The following FBXO11 variants were observed in gnomAD, a reference collection of about 807,000 sequenced individuals.
FBXO11 encodes F-box protein 11.
In FBXO11, 13 loss-of-function variants were observed where a neutral mutation model predicts 117.0. That is an observed-to-expected ratio of 0.11 (90% CI 0.07 to 0.18). FBXO11 has a LOEUF of 0.18. Among genes scored for constraint, FBXO11 ranks in the 10% least tolerant of loss-of-function variants. FBXO11 has a pLI of 1.00. For missense variants in FBXO11, 767 were observed against 1,164.4 expected (o/e 0.66, Z 4.97); for synonymous variants, 490 against 380.5 (o/e 1.29, Z -3.35).
intron 21 of FBXO11, chr2:47,808,665 C>CT: frequency 2.5e-6 from 1 of 403,550 alleles, no homozygotes; most frequent in Non-Finnish European, 4.4e-6. Context: ...GTTCTTTCCA[C>CT]TTTAAAAGCC....
intron 1 of FBXO11, among the ~76,000 whole-genome samples, chr2:47,856,155 AG>A (rs1323308947): frequency 6.6e-6 from 1 of 152,224 alleles, no homozygotes; most frequent in African/African-American, 2.4e-5. Context: ...CTTTTAACTC[AG>A]AAAATGCAAG....
intron 1 of FBXO11, among the ~76,000 whole-genome samples, chr2:47,864,083 C>T (rs1482639713): frequency 1.3e-5 from 2 of 152,092 alleles, no homozygotes; most frequent in Non-Finnish European, 2.9e-5. Context: ...CATTAAAAAG[C>T]TGGTAATTTG....
chr2:47,816,647 C>CCA (rs138910788), intron 16 of FBXO11, among the ~76,000 whole-genome samples: 22,823 of 152,198 alleles, frequency 0.15, 1,832 homozygotes, highest in Non-Finnish European at 0.18. Context: ...ACTCCTTGAT[C>CCA]CAGACTGTGG....
Position 47,808,183 on chromosome 2 carries a change from G to C in FBXO11, c.2719C>G (p.His907Asp). 1 of 1,613,510 alleles carries C rather than the reference G, an allele frequency of 6.2e-7. No homozygotes were observed. Among genetic ancestry groups the C allele is most frequent in the Non-Finnish European group, 8.5e-7 (1 of 1,179,850 alleles). The change falls in exon 23 of 23, where the codon CAT becomes GAT. Residue 907 changes from histidine (H) to aspartate (D), a missense_variant. Around this residue, in one of 10 missense-constraint regions of FBXO11, gnomAD observed 47 missense variants for 117.3 expected, o/e 0.40. Transcript: ENST00000403359. ...GAGTCATATAGTGTATCTGTATCAT[G>C]TGTAGGCTCACCAGCTAATGTACAA... ...NPCTLAGEPT[H>D]DTDTLYDSAP...
Position 47,807,741 on chromosome 2 carries a change from C to A in FBXO11, c.*377G>T. The A allele has an allele frequency of 4.1e-6, 1 of 241,986 alleles. No homozygotes were observed. The highest frequency in any genetic ancestry group is 8.1e-6 in the Non-Finnish European group (1 of 122,810). The allele number at this position is 241,986 out of a possible 1,614,324, so 15.0% of individuals were successfully genotyped here. ...CCATATTACAAAAGCAATTGGTACCCATGTCCATAAAGGCAGCAACAAAGC... is the reference window on the plus strand; with the variant it reads ...CCATATTACAAAAGCAATTGGTACCAATGTCCATAAAGGCAGCAACAAAGC... On this transcript the variant is annotated 3_prime_UTR_variant, in exon 23 of 23. Transcript: ENST00000403359.
chr2:47,838,079 A>C (rs1194714033), intron 4 of FBXO11, among the ~76,000 whole-genome samples: 3 of 151,424 alleles, frequency 2.0e-5, no homozygotes, highest in Admixed American at 2.0e-4. Context: ...AAAAAAAAAA[A>C]AAAATTAGCT....
At chr2:47,874,733 C>G (rs540881563) in intron 1 of FBXO11, among the ~76,000 whole-genome samples, 1 of 152,202 alleles carries the variant, frequency 6.6e-6, no homozygotes, top group South Asian at 2.1e-4. Context: ...TGGGATTTCA[C>G]CATGTTGGCC....
chr2:47,891,831 T>G (rs1054744417), intron 1 of FBXO11, among the ~76,000 whole-genome samples: 2 of 152,294 alleles, frequency 1.3e-5, no homozygotes. Flanking sequence ...TGAAAAGATA[T>G]CTCATTGTGG....
chr2:47,831,373 C>A (rs1037213022), intron 11 of FBXO11, among the ~76,000 whole-genome samples: 1 of 148,266 alleles, frequency 6.7e-6, no homozygotes, highest in Admixed American at 6.8e-5. Context: ...CAAGATCACA[C>A]CATTGCCATT....
At chr2:47,894,360 A>G (rs1677494307) in intron 1 of FBXO11, among the ~76,000 whole-genome samples, 2 of 152,208 alleles carry the variant, frequency 1.3e-5, no homozygotes, top group Non-Finnish European at 1.5e-5. Context: ...AAAACTAGAA[A>G]TGAAATAACT....
At chr2:47,901,086 C>CAT (rs565507314) in intron 1 of FBXO11, among the ~76,000 whole-genome samples, 16 of 104,784 alleles carry the variant, frequency 1.5e-4, no homozygotes, top group Admixed American at 7.2e-4. Flanking sequence ...CACGTGTGTA[C>CAT]ATATATATAC....
At position 47,842,026 on chromosome 2, in the gene FBXO11, T is replaced by TA. The variant is rs542729522; in HGVS notation, c.233-2258_233-2257insT. On this transcript the variant is annotated intron_variant, in intron 1 of 22. Transcript: ENST00000403359. ...AGAATATCAGTTTTATTTTTATTTT[T>TA]TTTTTTTGAGACAGAGTCTCGCCCT... is the stretch of plus-strand genomic sequence containing the variant. Among the ~76,000 whole-genome samples, 999 of 151,636 alleles carry TA rather than the reference T, an allele frequency of 6.6e-3. 9 individuals carry two copies. Among genetic ancestry groups the TA allele is most frequent in the African/African-American group, 0.023 (956 of 41,358 alleles).
At chr2:47,829,727 C>A (rs970869257) in intron 11 of FBXO11, among the ~76,000 whole-genome samples, 1 of 151,908 alleles carries the variant, frequency 6.6e-6, no homozygotes, top group African/African-American at 2.4e-5. Context: ...AAACACCCAT[C>A]TTTTAAAGAC....
At chr2:47,858,121 T>C (rs1425548054) in intron 1 of FBXO11, among the ~76,000 whole-genome samples, 1 of 152,042 alleles carries the variant, frequency 6.6e-6, no homozygotes, top group Admixed American at 6.5e-5. Flanking sequence ...TTTTTATTTT[T>C]TTGAGGCGGA....
chr2:47,903,534 T>C (rs1327843781), intron 1 of FBXO11, among the ~76,000 whole-genome samples: 12 of 152,342 alleles, frequency 7.9e-5, no homozygotes, highest in African/African-American at 2.9e-4. Context: ...GCTAATAATT[T>C]TGAACAAATG....
At chr2:47,904,546 G>C (rs958138396) in intron 1 of FBXO11, among the ~76,000 whole-genome samples, 1 of 151,546 alleles carries the variant, frequency 6.6e-6, no homozygotes, top group African/African-American at 2.4e-5. Flanking sequence ...ATTTCACTAG[G>C]CCTTGGACAC....
chr2:47,862,503 G>C (rs1007193231), intron 1 of FBXO11, among the ~76,000 whole-genome samples: 3 of 152,118 alleles, frequency 2.0e-5, no homozygotes, highest in Admixed American at 1.3e-4. Flanking sequence ...TGCCCAGACT[G>C]GTCTTGAACT....
intron 11 of FBXO11, among the ~76,000 whole-genome samples, chr2:47,829,252 A>T (rs1010197523): frequency 1.4e-5 from 2 of 139,998 alleles, no homozygotes; most frequent in Admixed American, 7.2e-5. Context: ...TTATTTATTT[A>T]TTTTTTGAGA....
At chr2:47,865,713 T>C (rs2103785814) in intron 1 of FBXO11, 1 of 152,306 alleles carries the variant, frequency 6.6e-6, no homozygotes, top group South Asian at 2.1e-4. Flanking sequence ...CTTAAATAAA[T>C]TTAAGACACT....
Sources: allele counts gnomAD v4.1 joint callset (sites outside exome capture counted in the v4.1 genomes callset), GRCh38; gene constraint gnomAD v4.1.1; regional missense constraint gnomAD v4.1.1; transcripts MANE v1.5; gene names NCBI Gene and HGNC (gene_info 2026-07-23, HGNC 2026-07-21).